CADM1: variants seen among roughly 807,000 people sequenced by gnomAD.
CADM1 encodes cell adhesion molecule 1.
CADM1 carries 15 observed loss-of-function variants against 53.1 expected under a neutral mutation model. That is an observed-to-expected ratio of 0.28 (90% CI 0.19 to 0.44). The LOEUF (loss-of-function observed/expected upper bound fraction) is 0.44. Among genes scored for constraint, CADM1 ranks in the 20% least tolerant of loss-of-function variants. The pLI, the probability that CADM1 is intolerant of heterozygous loss-of-function variation, is 1.00. For synonymous variants in CADM1, 281 were observed against 243.0 expected, an observed-to-expected ratio of 1.16 and a Z score of -1.45; for missense variants, 434 against 611.3, an observed-to-expected ratio of 0.71 and a Z score of 3.06.
At chr11:115,300,612 T>G (rs1944194763) in intron 1 of CADM1, among the ~76,000 whole-genome samples, 1 of 152,116 alleles carries the variant, frequency 6.6e-6, no homozygotes, top group Admixed American at 6.5e-5. Context: ...TGGAGTAATA[T>G]TTCTCAACCT....
At chr11:115,311,971 T>C (rs1204372869) in intron 1 of CADM1, among the ~76,000 whole-genome samples, 3 of 152,164 alleles carry the variant, frequency 2.0e-5, no homozygotes, top group Non-Finnish European at 4.4e-5. Flanking sequence ...TCCTACTCAA[T>C]GTATTTAATA....
chr11:115,498,922 G>C (rs1949676750), intron 1 of CADM1, among the ~76,000 whole-genome samples: 1 of 152,138 alleles, frequency 6.6e-6, no homozygotes, highest in Non-Finnish European at 1.5e-5. Context: ...GCACAGAGGG[G>C]ATAGAGCGAC....
chr11:115,492,369 C>A (rs948671097), intron 1 of CADM1, among the ~76,000 whole-genome samples: 6 of 151,908 alleles, frequency 3.9e-5, no homozygotes, highest in Admixed American at 2.6e-4. Context: ...ACATAGGGAA[C>A]GAAATGAGAA....
intron 6 of CADM1, among the ~76,000 whole-genome samples, chr11:115,217,685 C>T (rs923344330): frequency 4.6e-5 from 7 of 152,122 alleles, no homozygotes; most frequent in African/African-American, 1.4e-4. Context: ...TCAATCTTAG[C>T]GGGCATTTAA....
chr11:115,461,998 G>A (rs1463619006), intron 1 of CADM1, among the ~76,000 whole-genome samples: 2 of 152,118 alleles, frequency 1.3e-5, no homozygotes, highest in Non-Finnish European at 2.9e-5. Context: ...AATAACCGAG[G>A]ACAAAACACT....
chr11:115,316,903 G>A (rs1036640462), intron 1 of CADM1, among the ~76,000 whole-genome samples: 1 of 152,150 alleles, frequency 6.6e-6, no homozygotes, highest in African/African-American at 2.4e-5. Context: ...AAAAGTTAAT[G>A]AATTGCAGAT....
At chr11:115,183,542 C>A (rs1278011526) in intron 10 of CADM1, among the ~76,000 whole-genome samples, 2 of 152,122 alleles carry the variant, frequency 1.3e-5, no homozygotes, top group East Asian at 3.9e-4. Context: ...TGCTGCCTGC[C>A]CACCCTGAAG....
At chr11:115,424,192 C>A (rs988446700) in intron 1 of CADM1, among the ~76,000 whole-genome samples, 7 of 152,212 alleles carry the variant, frequency 4.6e-5, no homozygotes, top group African/African-American at 1.7e-4. Flanking sequence ...ACTAATAGCT[C>A]CATCTGCTAC....
At chr11:115,427,014 A>G (rs1947909484) in intron 1 of CADM1, among the ~76,000 whole-genome samples, 1 of 152,224 alleles carries the variant, frequency 6.6e-6, no homozygotes, top group Non-Finnish European at 1.5e-5. Flanking sequence ...TTTGTTCCAT[A>G]GGAGAACATT....
At position 115,504,390 on chromosome 11, in the gene CADM1, G is replaced by T. The variant is rs1488088409; in HGVS notation, c.5C>A (p.Ala2Glu). 5 of 1,545,596 alleles carry T rather than the reference G, an allele frequency of 3.2e-6. No homozygotes were observed. Among genetic ancestry groups the T allele is most frequent in the African/African-American group, 2.7e-5 (2 of 72,940 alleles). The change falls in exon 1 of 12, where the codon GCG becomes GAG. Residue 2 changes from alanine to glutamate, a missense_variant. Ala to Glu is a moderately radical substitution (Grantham distance 107). Transcript: ENST00000331581. M[A>E]SVVLPSGSQC... ...GGATCCGCTCGGCAGCACTACACTC[G>T]CCATGTCGGGCACCTGCCTCAGACT...
At chr11:115,316,430 G>C (rs1485176262) in intron 1 of CADM1, among the ~76,000 whole-genome samples, 1 of 152,130 alleles carries the variant, frequency 6.6e-6, no homozygotes, top group African/African-American at 2.4e-5. Flanking sequence ...CCAAAGAATA[G>C]AAAAGGAAGA....
chr11:115,408,132 T>C lies in CADM1; in HGVS notation c.124+96139A>G, dbSNP rs529697243. ...ACAGAGCCGTTTTAAAAAAAAACTC[T>C]AAAGGAGGTGGTAAATGTTGGTATT... On this transcript the variant is annotated intron_variant, in intron 1 of 11. Transcript: ENST00000331581. Among the ~76,000 whole-genome samples, 3 of 152,124 alleles carry C rather than the reference T, an allele frequency of 2.0e-5. No individual in the cohort carries two copies. The South Asian group carries it at 6.2e-4, about 32-fold the overall frequency.
chr11:115,223,726 G>C (rs971069048), intron 5 of CADM1, among the ~76,000 whole-genome samples: 21 of 152,158 alleles, frequency 1.4e-4, no homozygotes, highest in Admixed American at 6.5e-4. Context: ...TGGTACTGCA[G>C]ATTGTATCAC....
At chr11:115,443,279 G>T (rs1055489880) in intron 1 of CADM1, among the ~76,000 whole-genome samples, 1 of 152,152 alleles carries the variant, frequency 6.6e-6, no homozygotes, top group Non-Finnish European at 1.5e-5. Flanking sequence ...CAAAACAACC[G>T]ATCTTCTGAC....
intron 1 of CADM1, among the ~76,000 whole-genome samples, chr11:115,472,118 C>A (rs1949026774): frequency 6.6e-6 from 1 of 152,134 alleles, no homozygotes; most frequent in African/African-American, 2.4e-5. Flanking sequence ...AAGAGCAAGT[C>A]TATCTTCAAG....
chr11:115,287,245 G>A (rs1392162197), intron 1 of CADM1, among the ~76,000 whole-genome samples: 1 of 152,206 alleles, frequency 6.6e-6, no homozygotes, highest in Admixed American at 6.5e-5. Context: ...TGAAAACCAG[G>A]TTGATGGGGA....
chr11:115,437,896 C>T (rs1452564892), intron 1 of CADM1, among the ~76,000 whole-genome samples: 13 of 152,094 alleles, frequency 8.5e-5, no homozygotes, highest in Admixed American at 8.5e-4. Context: ...AAAAGAGGTA[C>T]ATATGTAATA....
intron 1 of CADM1, among the ~76,000 whole-genome samples, chr11:115,347,616 C>T (rs1485905728): frequency 6.6e-6 from 1 of 152,152 alleles, no homozygotes; most frequent in Non-Finnish European, 1.5e-5. Flanking sequence ...ATTTTCCTGA[C>T]ATGAAAATAT....
chr11:115,196,887 G>T (rs1659106421), intron 9 of CADM1, among the ~76,000 whole-genome samples: 1 of 152,156 alleles, frequency 6.6e-6, no homozygotes, highest in Admixed American at 6.5e-5. Flanking sequence ...CTCAATTAAT[G>T]ATGAAATCTA....
Sources: allele counts gnomAD v4.1 joint callset (sites outside exome capture counted in the v4.1 genomes callset), GRCh38; gene constraint gnomAD v4.1.1; transcripts MANE v1.5; gene names NCBI Gene and HGNC (gene_info 2026-07-23, HGNC 2026-07-21).